The following TENM4 variants were observed in gnomAD, a reference collection of about 807,000 sequenced individuals.
The protein encoded by TENM4 is teneurin-4.
In TENM4, 82 loss-of-function variants were observed where a neutral mutation model predicts 243.3. The observed-to-expected ratio is 0.34, with a 90% CI of 0.28 to 0.40. TENM4 has a LOEUF of 0.40. Among genes scored for constraint, TENM4 ranks in the 10% least tolerant of loss-of-function variants. The pLI, the probability that TENM4 is intolerant of heterozygous loss-of-function variation, is 1.00. For synonymous variants in TENM4, 1,412 were observed against 1,456.3 expected (o/e 0.97, Z 0.69); for missense variants, 3,138 against 3,673.3 (o/e 0.85, Z 3.77).
chr11:79,393,910 A>ATCCCCCAC (rs1362908849), intron 1 of TENM4, among the ~76,000 whole-genome samples: 2 of 152,170 alleles, frequency 1.3e-5, no homozygotes, highest in African/African-American at 4.8e-5. Flanking sequence ...TGGAGGATGC[A>ATCCCCCAC]TCAGAGTAAG....
chr11:79,017,712 G>A (rs1368342541), intron 6 of TENM4, among the ~76,000 whole-genome samples: 1 of 152,152 alleles, frequency 6.6e-6, no homozygotes, highest in African/African-American at 2.4e-5. Context: ...AAACCTGCAA[G>A]CAAGCAGGCA....
intron 4 of TENM4, among the ~76,000 whole-genome samples, chr11:79,105,049 G>T (rs766057929): frequency 6.6e-6 from 1 of 152,142 alleles, no homozygotes; most frequent in African/African-American, 2.4e-5. Context: ...CCAGAAAGAT[G>T]CAATTTACAA....
At chr11:79,220,316 A>C (rs1423057084) in intron 2 of TENM4, among the ~76,000 whole-genome samples, 1 of 152,212 alleles carries the variant, frequency 6.6e-6, no homozygotes, top group Non-Finnish European at 1.5e-5. Context: ...TCTGTACTTG[A>C]CAATCAAGGG....
rs542944422 is a variant in TENM4, at chr11:79,179,880, G to A, written c.-162-31074C>T. Among the ~76,000 whole-genome samples the A allele has an allele frequency of 9.9e-5, 15 of 151,700 alleles. No individual in the cohort carries two copies. The South Asian group carries it at 1.7e-3, about 17-fold the overall frequency. On this transcript the variant is annotated intron_variant, in intron 3 of 33. Transcript: ENST00000278550. ...TTCTCATTTAAATCAACAACCATCCGATGAAAATGGTATTATATCCCTGTT... is the reference window on the plus strand; with the variant it reads ...TTCTCATTTAAATCAACAACCATCCAATGAAAATGGTATTATATCCCTGTT...
intron 31 of TENM4, 78 bp downstream of exon 31, chr11:78,671,955 G>A: frequency 2.0e-6 from 3 of 1,505,044 alleles, no homozygotes; most frequent in East Asian, 2.4e-5. Context: ...GCCCACTGAG[G>A]CCACCAGGCT....
chr11:79,373,342 A>G (rs1151185), intron 1 of TENM4, among the ~76,000 whole-genome samples: 23,227 of 150,402 alleles, frequency 0.15, 1,925 homozygotes, highest in East Asian at 0.27. Flanking sequence ...GGATGGATGG[A>G]TGGATGGATG....
Position 79,008,512 on chromosome 11 carries a change from T to TG in TENM4, c.493+56225dup, listed in dbSNP as rs1349583198. Among the ~76,000 whole-genome samples, 8 of 152,378 alleles carry TG rather than the reference T, an allele frequency of 5.3e-5. No homozygotes were observed. In the East Asian group the frequency reaches 1.5e-3, roughly 29 times the overall value. Reference sequence around the variant, plus strand: ...TTTTGACATAGTTTTGACATAGCTATGATACAGTTTTATACCTTTTGCTTA... The same window carrying TG: ...TTTTGACATAGTTTTGACATAGCTATGGATACAGTTTTATACCTTTTGCTTA... On this transcript the variant is annotated intron_variant, in intron 6 of 33. Transcript: ENST00000278550.
chr11:78,745,657 A>G (rs192334144), intron 19 of TENM4, among the ~76,000 whole-genome samples: 20 of 152,364 alleles, frequency 1.3e-4, no homozygotes, highest in African/African-American at 4.8e-4. Flanking sequence ...TTCTATAGAA[A>G]TAAACCAGTC....
At position 79,150,111 on chromosome 11, in the gene TENM4, C is replaced by T. The variant is rs563493775; in HGVS notation, c.-162-1305G>A. The stretch of plus-strand genomic sequence containing the variant: ...CCAGGATCCCTCTGACTCGCCTCTG[C>T]CCCTCACTCCTCACTCCTGCTCGGT... On this transcript the variant is annotated intron_variant, in intron 3 of 33. Coordinates refer to ENST00000278550, the MANE Select transcript of TENM4 (RefSeq NM_001098816.3). Among the ~76,000 whole-genome samples, 6 of 152,250 alleles carry T rather than the reference C, an allele frequency of 3.9e-5. No homozygotes were observed. In the South Asian group the frequency reaches 1.2e-3, roughly 32 times the overall value.
chr11:79,227,654 T>C (rs1864298492), intron 2 of TENM4, among the ~76,000 whole-genome samples: 1 of 152,198 alleles, frequency 6.6e-6, no homozygotes, highest in South Asian at 2.1e-4. Context: ...AGGTTTTTGC[T>C]TCTTTCCCCC....
At chr11:78,724,787 G>A (rs2135852406) in intron 23 of TENM4, among the ~76,000 whole-genome samples, 1 of 152,376 alleles carries the variant, frequency 6.6e-6, no homozygotes, top group South Asian at 2.1e-4. Context: ...GATATGGGCA[G>A]CTTCTGGGAG....
chr11:79,239,607 T>C (rs1260697075), intron 2 of TENM4, among the ~76,000 whole-genome samples: 1 of 152,168 alleles, frequency 6.6e-6, no homozygotes, highest in African/African-American at 2.4e-5. Flanking sequence ...GGATGGTGCA[T>C]CACAGAGAAA....
At chr11:78,683,633 GGCTC>G (rs1858578252) in intron 29 of TENM4, among the ~76,000 whole-genome samples, 1 of 140,316 alleles carries the variant, frequency 7.1e-6, no homozygotes, top group Admixed American at 7.0e-5. Flanking sequence ...GCCCTGCTTC[GGCTC>G]GCGCACGGTG....
At chr11:79,130,804 C>A (rs1392101903) in intron 4 of TENM4, among the ~76,000 whole-genome samples, 1 of 152,138 alleles carries the variant, frequency 6.6e-6, no homozygotes, top group Non-Finnish European at 1.5e-5. Context: ...GCCTGGGCAA[C>A]AGAGTGAGAC....
intron 2 of TENM4, among the ~76,000 whole-genome samples, chr11:79,292,498 A>G (rs920929713): frequency 6.6e-6 from 1 of 152,140 alleles, no homozygotes. Flanking sequence ...TTCATACATA[A>G]CTACAGCTTC....
At chr11:78,721,114 G>A (rs766631994) in intron 24 of TENM4, among the ~76,000 whole-genome samples, 4 of 152,148 alleles carry the variant, frequency 2.6e-5, no homozygotes, top group African/African-American at 4.8e-5. Flanking sequence ...CTTCTCTGCC[G>A]AGGCGAGCTG....
At chr11:79,173,078 A>T (rs1487440497) in intron 3 of TENM4, among the ~76,000 whole-genome samples, 1 of 152,242 alleles carries the variant, frequency 6.6e-6, no homozygotes, top group Non-Finnish European at 1.5e-5. Flanking sequence ...CTGTACCAAG[A>T]ATCAAAAACT....
At chr11:78,743,753 T>C (rs1174732097) in intron 19 of TENM4, among the ~76,000 whole-genome samples, 2 of 152,158 alleles carry the variant, frequency 1.3e-5, no homozygotes, top group African/African-American at 2.4e-5. Flanking sequence ...CAAAGTTAGA[T>C]TGATTATTCA....
At chr11:79,179,919 T>C (rs1591336533) in intron 3 of TENM4, among the ~76,000 whole-genome samples, 1 of 151,776 alleles carries the variant, frequency 6.6e-6, no homozygotes, top group South Asian at 2.1e-4. Context: ...TTTTACAGAT[T>C]AAGAAACTGA....
Sources: allele counts gnomAD v4.1 joint callset (sites outside exome capture counted in the v4.1 genomes callset), GRCh38; gene constraint gnomAD v4.1.1; transcripts MANE v1.5; gene names NCBI Gene and HGNC (gene_info 2026-07-23, HGNC 2026-07-21).